MAF: variants seen among roughly 807,000 people sequenced by gnomAD.
MAF encodes MAF bZIP transcription factor.
In MAF, 10 loss-of-function variants were observed where a neutral mutation model predicts 22.0. The ratio of observed to expected loss-of-function variants is 0.45; its 90% CI spans 0.28 to 0.77. MAF has a LOEUF of 0.77. Among genes scored for constraint, MAF ranks in the 30% least tolerant of loss-of-function variants. The pLI is 0.12. For synonymous variants in MAF, 337 were observed against 255.8 expected (o/e 1.32, Z -3.03); for missense variants, 544 against 548.4 (o/e 0.99, Z 0.08).
chr16:79,528,232 G>C, the MAF span, among the ~76,000 whole-genome samples: 1 of 152,062 alleles, frequency 6.6e-6, no homozygotes, highest in African/African-American at 2.4e-5. Context: ...TTAGTTTCTT[G>C]GCCATGTCTA....
the MAF span, among the ~76,000 whole-genome samples, chr16:79,369,825 G>C: frequency 6.6e-6 from 1 of 152,186 alleles, no homozygotes; most frequent in African/African-American, 2.4e-5. Context: ...GAAAACTTTG[G>C]ACAAGAGCAG....
chr16:79,442,634 A>T, the MAF span, among the ~76,000 whole-genome samples: 1 of 152,070 alleles, frequency 6.6e-6, no homozygotes, highest in African/African-American at 2.4e-5. Context: ...GCAGCCTCAG[A>T]CTCCTGGGTT....
chr16:79,373,546 G>T, the MAF span, among the ~76,000 whole-genome samples: 5 of 151,466 alleles, frequency 3.3e-5, no homozygotes, highest in East Asian at 5.9e-4. Flanking sequence ...CCACACCTGG[G>T]TAACTTTTGT....
the MAF span, among the ~76,000 whole-genome samples, chr16:79,223,121 A>G: frequency 6.6e-6 from 1 of 152,246 alleles, no homozygotes; most frequent in Non-Finnish European, 1.5e-5. Flanking sequence ...AATTGGAAGT[A>G]AAACACTACT....
At position 79,599,029 on chromosome 16, in the gene MAF, T is replaced by C; in HGVS notation, c.874A>G (p.Lys292Glu). Residue 292 changes from lysine to glutamate, a missense_variant, in exon 1 of 2, where the codon AAG (lysine) becomes GAG (glutamate). Transcript: ENST00000326043. ...SKEEVIRLKQ[K>E]RRTLKNRGYA... ...CCGCGGTTTTTCAGGGTCCGCCTCT[T>C]CTGCTTCAGCCGGATCACCTCCTCC... 1 of 1,613,396 alleles carries C rather than the reference T, an allele frequency of 6.2e-7. No homozygotes were observed. Among genetic ancestry groups the C allele is most frequent in the East Asian group, 2.2e-5 (1 of 44,816 alleles).
chr16:79,461,837 T>G, the MAF span, among the ~76,000 whole-genome samples: 1 of 152,138 alleles, frequency 6.6e-6, no homozygotes, highest in African/African-American at 2.4e-5. Flanking sequence ...TCCACTTCCT[T>G]TTCTTCATGA....
chr16:79,284,349 GCAAATGCCC>G, the MAF span, among the ~76,000 whole-genome samples: 1 of 152,144 alleles, frequency 6.6e-6, no homozygotes, highest in Non-Finnish European at 1.5e-5. Flanking sequence ...CCATCCAAAG[GCAAATGCCC>G]CATTCACTTG....
chr16:79,379,131 T>A, the MAF span, among the ~76,000 whole-genome samples: 1 of 152,136 alleles, frequency 6.6e-6, no homozygotes, highest in Admixed American at 6.6e-5. Context: ...ATAATTTGGG[T>A]AAGATCTCTG....
chr16:79,498,788 C>G, the MAF span, among the ~76,000 whole-genome samples: 5 of 152,212 alleles, frequency 3.3e-5, no homozygotes, highest in Non-Finnish European at 7.3e-5. Flanking sequence ...GTGCTTTCTT[C>G]TCTTACAGCC....
At chr16:79,548,640 T>C in the MAF span, among the ~76,000 whole-genome samples, 2 of 152,214 alleles carry the variant, frequency 1.3e-5, no homozygotes, top group Admixed American at 1.3e-4. Flanking sequence ...TTTTATTTTG[T>C]GGATGGATCC....
chr16:79,481,952 A>G, the MAF span, among the ~76,000 whole-genome samples: 5 of 152,276 alleles, frequency 3.3e-5, no homozygotes, highest in African/African-American at 9.6e-5. Flanking sequence ...TTTGTCAGAC[A>G]CAAGACTGGA....
chr16:79,403,619 C>T, the MAF span, among the ~76,000 whole-genome samples: 1 of 152,296 alleles, frequency 6.6e-6, no homozygotes. Context: ...GCCTGACCCA[C>T]GAGGCTGGGT....
chr16:79,475,362 A>ATGTGTGTGTGTGTG, the MAF span, among the ~76,000 whole-genome samples: 1,304 of 148,778 alleles, frequency 8.8e-3, 14 homozygotes, highest in African/African-American at 0.015. Context: ...ATGTATATAT[A>ATGTGTGTGTGTGTG]TGTGTGTGTG....
At chr16:79,397,250 C>T in the MAF span, among the ~76,000 whole-genome samples, 2 of 152,200 alleles carry the variant, frequency 1.3e-5, no homozygotes, top group Non-Finnish European at 2.9e-5. Context: ...TGAGTCTTTA[C>T]CGTGGTTTTC....
the MAF span, among the ~76,000 whole-genome samples, chr16:79,480,971 C>A: frequency 6.6e-6 from 1 of 152,180 alleles, no homozygotes; most frequent in Non-Finnish European, 1.5e-5. Context: ...ATCAAAAAAG[C>A]ACCCCCAACT....
the MAF span, among the ~76,000 whole-genome samples, chr16:79,409,647 C>T: frequency 2.0e-5 from 3 of 152,210 alleles, no homozygotes; most frequent in African/African-American, 4.8e-5. Context: ...CCCTCTGTAG[C>T]TCCTGGCATG....
At chr16:79,555,273 G>A in the MAF span, among the ~76,000 whole-genome samples, 54 of 152,252 alleles carry the variant, frequency 3.5e-4, no homozygotes, top group South Asian at 2.7e-3. Context: ...GCTTCATGCA[G>A]GCCATAGGCT....
the MAF span, among the ~76,000 whole-genome samples, chr16:79,449,894 G>A: frequency 1.3e-5 from 2 of 152,134 alleles, no homozygotes; most frequent in African/African-American, 4.8e-5. Flanking sequence ...TTTCAGCAGC[G>A]GCTATGCAAG....
chr16:79,577,069 T>C, the MAF span, among the ~76,000 whole-genome samples: 65,559 of 151,940 alleles, frequency 0.43, 15,603 homozygotes, highest in East Asian at 0.86. Context: ...TAAATGGTCA[T>C]AAAAGGACAC....
Sources: gnomAD v4.1 joint callset for allele counts (sites outside exome capture counted in the v4.1 genomes callset) on GRCh38, gnomAD v4.1.1 for gene constraint, MANE v1.5 for transcripts, NCBI Gene and HGNC (gene_info 2026-07-23, HGNC 2026-07-21) for gene names.